DROSHA: variants seen among roughly 807,000 people sequenced by gnomAD.
DROSHA encodes the protein drosha ribonuclease III.
A neutral mutation model predicts 181.9 loss-of-function variants in DROSHA; 56 were observed. That is an observed-to-expected ratio of 0.31 (90% confidence interval 0.25 to 0.38). DROSHA has a LOEUF of 0.38. Ranked by LOEUF, DROSHA falls within the 10% of genes least tolerant of loss-of-function variation. The pLI is 1.00. For synonymous variants in DROSHA, 524 were observed against 591.2 expected (o/e 0.89, Z 1.65); for missense variants, 1,218 against 1,743.5 (o/e 0.70, Z 5.37).
intron 23 of DROSHA, 53 bp from the exon 24 acceptor site, chr5:31,437,351 C>T (rs1160429819): frequency 4.3e-6 from 5 of 1,162,638 alleles, no homozygotes; most frequent in Admixed American, 2.7e-5. Flanking sequence ...CACTCCCCCC[C>T]ACCCACCCAC....
In DROSHA at chr5:31,495,380, G is replaced by GA. The variant is rs758000616; in HGVS notation, c.1669-9dup. 27 of 1,607,584 alleles carry GA rather than the reference G, an allele frequency of 1.7e-5. No homozygotes were observed. Among genetic ancestry groups the GA allele is most frequent in the Non-Finnish European group, 2.1e-5 (25 of 1,177,774 alleles). Reference sequence around the variant, plus strand: ...ACGACAGGGCTTGATGGCCTGAGGGGAAAAAAACGAAAATCAGTTTACAAG... The same window carrying GA: ...ACGACAGGGCTTGATGGCCTGAGGGGAAAAAAAACGAAAATCAGTTTACAAG... On this transcript the variant is annotated splice_polypyrimidine_tract_variant and intron_variant, in intron 11 of 35. Coordinates refer to ENST00000344624, the MANE Select transcript of DROSHA (RefSeq NM_001382508.1).
At chr5:31,461,621 TC>T (rs1381886222) in intron 20 of DROSHA, among the ~76,000 whole-genome samples, 13 of 152,160 alleles carry the variant, frequency 8.5e-5, no homozygotes, top group Non-Finnish European at 1.5e-4. Flanking sequence ...CAGTTCCAGT[TC>T]ATTCTGGAAC....
intron 20 of DROSHA, among the ~76,000 whole-genome samples, chr5:31,458,628 C>T (rs1030653085): frequency 6.6e-6 from 1 of 152,140 alleles, no homozygotes; most frequent in Non-Finnish European, 1.5e-5. Context: ...TAAATCTGGT[C>T]AGTGCTATTC....
In DROSHA at chr5:31,521,140, C is replaced by T. The variant is rs762186997; in HGVS notation, c.930G>A (p.Glu310=). ...TTGCTTACCTTCCAGATCTCTTATA[C>T]TCTTTTTTGTAGGACCTTTCCAGAG... ...SPSLERSYKK[E]YKRSGRSYGL... is the part of the protein sequence containing the mutation. The change falls in exon 6 of 36, where the codon GAG becomes GAA. Residue 310 remains glutamate, a synonymous_variant. Coordinates refer to ENST00000344624, the MANE Select transcript of DROSHA (RefSeq NM_001382508.1). 31 of 1,613,538 alleles carry T rather than the reference C, an allele frequency of 1.9e-5. No individual in the cohort carries two copies. The highest frequency in any genetic ancestry group is 5.0e-5 in the Admixed American group (3 of 59,998).
intron 34 of DROSHA, among the ~76,000 whole-genome samples, 197 bp downstream of exon 34, chr5:31,406,654 GGT>G (rs1740696506): frequency 6.6e-6 from 1 of 152,110 alleles, no homozygotes; most frequent in South Asian, 2.1e-4. Flanking sequence ...CTTACACAAT[GGT>G]ATTCCCATGG....
chr5:31,475,554 C>T (rs140537629), intron 16 of DROSHA, among the ~76,000 whole-genome samples: 22 of 152,244 alleles, frequency 1.4e-4, no homozygotes, highest in African/African-American at 4.8e-4. Context: ...ACACACAGAA[C>T]AGCAGGAATA....
At chr5:31,466,430 C>A in intron 18 of DROSHA, 149 bp from the exon 19 acceptor site, 2 of 667,002 alleles carry the variant, frequency 3.0e-6, no homozygotes, top group South Asian at 3.8e-5. Context: ...CTAAGGAAGG[C>A]TATGACTTTG....
intron 8 of DROSHA, among the ~76,000 whole-genome samples, chr5:31,512,305 G>A (rs1738782559): frequency 6.6e-6 from 1 of 152,154 alleles, no homozygotes; most frequent in Admixed American, 6.5e-5. Flanking sequence ...AAAGGCAAAT[G>A]TCAGCCTTTT....
At chr5:31,510,422 A>G (rs62348737) in intron 9 of DROSHA, among the ~76,000 whole-genome samples, 62,209 of 152,174 alleles carry the variant, frequency 0.41, 13,641 homozygotes, top group Non-Finnish European at 0.5. Flanking sequence ...GTGGGCAGAT[A>G]AGAGCTAGAG....
At chr5:31,492,563 C>T (rs541821321) in intron 13 of DROSHA, among the ~76,000 whole-genome samples, 3 of 152,310 alleles carry the variant, frequency 2.0e-5, no homozygotes, top group Non-Finnish European at 2.9e-5. Context: ...CACATCTGTT[C>T]CTGTGCCACT....
chr5:31,472,925 A>C (rs933211318), intron 16 of DROSHA, among the ~76,000 whole-genome samples: 1 of 152,244 alleles, frequency 6.6e-6, no homozygotes, highest in African/African-American at 2.4e-5. Context: ...CAATTAATCT[A>C]GTATTTGATG....
intron 25 of DROSHA, among the ~76,000 whole-genome samples, chr5:31,432,001 T>C (rs148522828): frequency 3.4e-4 from 52 of 152,276 alleles, no homozygotes; most frequent in African/African-American, 9.9e-4. Context: ...AATAAGACTC[T>C]GCTACAAGCC....
chr5:31,448,813 G>C (rs1488904659), intron 22 of DROSHA, among the ~76,000 whole-genome samples: 12 of 152,036 alleles, frequency 7.9e-5, no homozygotes, highest in Non-Finnish European at 1.5e-5. Context: ...CCTTATTATA[G>C]TTCTTGCTCA....
chr5:31,429,620 A>G lies in DROSHA; in HGVS notation c.3146-75T>C, dbSNP rs551945707. 26 of 1,306,964 alleles carry G rather than the reference A, an allele frequency of 2.0e-5. No individual in the cohort carries two copies. In the African/African-American group the frequency reaches 3.3e-4, roughly 16 times the overall value. The allele number at this position is 1,306,964 out of a possible 1,614,324, so 81.0% of individuals were successfully genotyped here. ...AGAAAATGACATATCTCTATAATAA[A>G]GCAAAAACGCAAGCCAAAAACTACT... On this transcript the variant is annotated intron_variant, in intron 26 of 35. Coordinates refer to ENST00000344624, the MANE Select transcript of DROSHA (RefSeq NM_001382508.1).
rs1486337948 is a variant in DROSHA, at chr5:31,422,948, C to T, written c.3262-4G>A. On this transcript the variant is annotated splice_region_variant and splice_polypyrimidine_tract_variant and intron_variant, in intron 28 of 35. Coordinates refer to ENST00000344624, the MANE Select transcript of DROSHA (RefSeq NM_001382508.1). ...GATCAGTATTTGGCTCTTGTAGCTA[C>T]AGGAAAATAGAAATAAATAAAAATC... 1.9e-6 allele frequency: 3 copies of T among 1,554,084 alleles called. No individual in the cohort carries two copies. The highest frequency in any genetic ancestry group is 2.4e-5 in the South Asian group (2 of 81,778).
chr5:31,476,162 C>G (rs372092179), intron 16 of DROSHA, among the ~76,000 whole-genome samples: 3 of 152,100 alleles, frequency 2.0e-5, no homozygotes, highest in African/African-American at 7.2e-5. Context: ...GTCAGGAGTT[C>G]GAGACCACCC....
intron 8 of DROSHA, among the ~76,000 whole-genome samples, chr5:31,512,234 G>A (rs923726414): frequency 1.3e-5 from 2 of 152,212 alleles, no homozygotes; most frequent in Non-Finnish European, 2.9e-5. Flanking sequence ...TGGGAGTGGC[G>A]ATGCCGGTAT....
chr5:31,484,227 A>G (rs1200403046), intron 15 of DROSHA, among the ~76,000 whole-genome samples: 2 of 152,002 alleles, frequency 1.3e-5, no homozygotes, highest in African/African-American at 4.8e-5. Context: ...AAAAAAAATT[A>G]GCCGGGCGTA....
chr5:31,479,062 T>C (rs1446412744), intron 16 of DROSHA, among the ~76,000 whole-genome samples: 1 of 152,000 alleles, frequency 6.6e-6, no homozygotes, highest in Non-Finnish European at 1.5e-5. Context: ...ATCCATACTA[T>C]AAAATGCTAA....
Sources: allele counts gnomAD v4.1 joint callset (sites outside exome capture counted in the v4.1 genomes callset), GRCh38; gene constraint gnomAD v4.1.1; transcripts MANE v1.5; gene names NCBI Gene and HGNC (gene_info 2026-07-23, HGNC 2026-07-21).